Variants in ARHGEF18 observed in about 807,000 individuals in gnomAD.
ARHGEF18 encodes Rho/Rac guanine nucleotide exchange factor 18, also known as rho guanine nucleotide exchange factor 18.
In ARHGEF18, 93 loss-of-function variants were observed where a neutral mutation model predicts 155.7. That is an observed-to-expected ratio of 0.60 (90% CI 0.50 to 0.71). The LOEUF (loss-of-function observed/expected upper bound fraction) is 0.71. ARHGEF18 is among the 30% of genes least tolerant of loss of function. The pLI, the probability that ARHGEF18 is intolerant of heterozygous loss-of-function variation, is 0.00. For synonymous variants in ARHGEF18, 742 were observed against 753.1 expected (o/e 0.99, Z 0.24); for missense variants, 1,593 against 1,816.1 (o/e 0.88, Z 2.23).
chr19:7,443,789 A>C (rs1328426644), intron 13 of ARHGEF18, among the ~76,000 whole-genome samples: 1 of 151,968 alleles, frequency 6.6e-6, no homozygotes, highest in Non-Finnish European at 1.5e-5. Context: ...CTGTAATCCC[A>C]GCTACTTGGG....
chr19:7,376,501 G>A, intron 4 of ARHGEF18, 142 bp from the exon 5 acceptor site: 1 of 431,004 alleles, frequency 2.3e-6, no homozygotes, highest in Non-Finnish European at 3.9e-6. Flanking sequence ...GGGGGGAGTG[G>A]CTGGAGGCTG....
intron 1 of ARHGEF18, among the ~76,000 whole-genome samples, chr19:7,362,361 A>T (rs1969668212): frequency 7.0e-6 from 1 of 142,032 alleles, no homozygotes; most frequent in Non-Finnish European, 1.5e-5. Context: ...AGGAGGAAAA[A>T]CAATGTGGGC....
At chr19:7,472,963 A>C, downstream of ARHGEF18, 1 of 455,778 alleles carries the variant, frequency 2.2e-6, no homozygotes, top group Non-Finnish European at 4.4e-6. Flanking sequence ...CAGCCTCCCA[A>C]AGTGCTGGGA....
At chr19:7,356,764 G>A (rs542387579) in intron 1 of ARHGEF18, among the ~76,000 whole-genome samples, 6 of 152,286 alleles carry the variant, frequency 3.9e-5, no homozygotes, top group South Asian at 4.1e-4. Context: ...CAGGCCAGCC[G>A]CATCGCTTAG....
chr19:7,478,250 G>A, the ARHGEF18 span: 6 of 1,550,308 alleles, frequency 3.9e-6, no homozygotes, highest in South Asian at 1.2e-5. Context: ...GGGTGGCTGC[G>A]AGCCGGGATC....
chr19:7,422,586 T>TC (rs1973419617), intron 10 of ARHGEF18, among the ~76,000 whole-genome samples: 2 of 151,754 alleles, frequency 1.3e-5, no homozygotes, highest in South Asian at 4.2e-4. Context: ...CCACCCCAGC[T>TC]CCCACTATTG....
intron 10 of ARHGEF18, chr19:7,390,757 C>G (rs1311988506): frequency 6.6e-6 from 1 of 151,864 alleles, no homozygotes; most frequent in Non-Finnish European, 1.5e-5. Flanking sequence ...AAATCACAGA[C>G]CAAGCCAGGT....
chr19:7,424,236 G>A (rs539625260), intron 10 of ARHGEF18, among the ~76,000 whole-genome samples: 1 of 152,148 alleles, frequency 6.6e-6, no homozygotes, highest in African/African-American at 2.4e-5. Flanking sequence ...ATGTTGGTCA[G>A]GCTGGTCTCG....
intron 2 of ARHGEF18, among the ~76,000 whole-genome samples, chr19:7,370,821 C>A (rs933202235): frequency 2.0e-5 from 3 of 152,076 alleles, no homozygotes; most frequent in African/African-American, 7.2e-5. Context: ...ATAAACCAGA[C>A]ACAAAAGGAT....
intron 10 of ARHGEF18, among the ~76,000 whole-genome samples, chr19:7,418,343 A>G (rs1200017343): frequency 6.6e-6 from 1 of 152,072 alleles, no homozygotes. Flanking sequence ...ACTGCAGCCT[A>G]GAACTCCTGG....
Position 7,469,983 on chromosome 19 carries a change from G to A in ARHGEF18, c.3867G>A (p.Ser1289=), listed in dbSNP as rs772873585. 6.8e-6 allele frequency: 11 copies of A among 1,613,042 alleles called. No homozygotes were observed. The highest frequency in any genetic ancestry group is 3.3e-4 in the Middle Eastern group (2 of 6,082). Reference sequence around the variant, plus strand: ...AGAGCACCTCACGGAACCGCCGCTCGCTGAGCCCTATCCTGCCCGGCAGAC... The same window carrying A: ...AGAGCACCTCACGGAACCGCCGCTCACTGAGCCCTATCCTGCCCGGCAGAC... ...KDESTSRNRR[S]LSPILPGRHS... Residue 1289 remains serine (S), a synonymous_variant, in exon 28 of 29, where the codon TCG becomes TCA. Transcript: ENST00000668164.
In ARHGEF18 at chr19:7,366,277, T is replaced by C. The variant is rs1969882895; in HGVS notation, c.15+3372T>C. ...GCTGAATAATCTTTCTGAAGGCCAA[T>C]CACTGCCCTCCCTACCACCACTATT... On this transcript the variant is annotated intron_variant, in intron 2 of 28. Transcript: ENST00000668164. Among the ~76,000 whole-genome samples, 3 of 152,182 alleles carry C rather than the reference T, an allele frequency of 2.0e-5. No homozygotes were observed. In the South Asian group the frequency reaches 6.2e-4, roughly 32 times the overall value.
chr19:7,405,354 G>A (rs1177702992), intron 10 of ARHGEF18, among the ~76,000 whole-genome samples: 1 of 152,250 alleles, frequency 6.6e-6, no homozygotes, highest in Admixed American at 6.6e-5. Context: ...TCACCTGTGT[G>A]TGTGTTTCCC....
At chr19:7,380,274 C>A (rs59500281) in intron 7 of ARHGEF18, among the ~76,000 whole-genome samples, 12 of 151,448 alleles carry the variant, frequency 7.9e-5, no homozygotes, top group Non-Finnish European at 1.5e-4. Context: ...GTCAGGAGAT[C>A]GAGACCATCC....
intron 1 of ARHGEF18, among the ~76,000 whole-genome samples, chr19:7,354,419 T>G (rs1316729041): frequency 2.0e-5 from 3 of 151,632 alleles, no homozygotes; most frequent in Non-Finnish European, 4.4e-5. Flanking sequence ...TGTAAACAAT[T>G]GGGAGACTGA....
chr19:7,442,773 T>C (rs1974744670), intron 13 of ARHGEF18, among the ~76,000 whole-genome samples: 1 of 152,222 alleles, frequency 6.6e-6, no homozygotes, highest in African/African-American at 2.4e-5. Context: ...TTCTAGAGGC[T>C]GGGACGTCTA....
chr19:7,465,832 TC>T (rs1335742122), intron 23 of ARHGEF18, among the ~76,000 whole-genome samples: 1 of 152,170 alleles, frequency 6.6e-6, no homozygotes, highest in East Asian at 1.9e-4. Context: ...ATGCCTGTAA[TC>T]CCAGCACTTC....
chr19:7,398,240 T>A (rs1971833175), intron 10 of ARHGEF18, among the ~76,000 whole-genome samples: 1 of 152,002 alleles, frequency 6.6e-6, no homozygotes, highest in Non-Finnish European at 1.5e-5. Context: ...CAGCTAATTT[T>A]TTGTATTTTT....
At chr19:7,394,165 G>A (rs1373885503) in intron 10 of ARHGEF18, among the ~76,000 whole-genome samples, 1 of 151,746 alleles carries the variant, frequency 6.6e-6, no homozygotes, top group Admixed American at 6.6e-5. Flanking sequence ...ATAGCTCACC[G>A]CAGCCTGGAC....
Sources: allele counts gnomAD v4.1 joint callset (sites outside exome capture counted in the v4.1 genomes callset), GRCh38; gene constraint gnomAD v4.1.1; transcripts MANE v1.5; gene names NCBI Gene and HGNC (gene_info 2026-07-23, HGNC 2026-07-21).